DPP10: variants seen among roughly 807,000 people sequenced by gnomAD.
DPP10 encodes dipeptidyl peptidase like 10, also known as inactive dipeptidyl peptidase 10.
A neutral mutation model predicts 120.9 loss-of-function variants in DPP10; 33 were observed. The ratio of observed to expected loss-of-function variants is 0.27; its 90% confidence interval spans 0.21 to 0.37. The LOEUF is 0.37. DPP10 is among the 10% of genes least tolerant of loss of function. The probability of loss-of-function intolerance (pLI) is 1.00; values close to 1 mark genes in which losing one functional copy is unlikely to be tolerated. For synonymous variants in DPP10, 337 were observed against 326.1 expected (o/e 1.03, Z -0.36); for missense variants, 816 against 942.8 (o/e 0.87, Z 1.76).
intron 1 of DPP10, among the ~76,000 whole-genome samples, chr2:115,156,467 T>C (rs957313701): frequency 4.6e-5 from 7 of 152,186 alleles, no homozygotes; most frequent in Non-Finnish European, 7.4e-5. Flanking sequence ...AAATTGAACA[T>C]TGTGGAAGTG....
chr2:115,797,659 G>A (rs1684692655), intron 19 of DPP10, among the ~76,000 whole-genome samples: 1 of 151,958 alleles, frequency 6.6e-6, no homozygotes, highest in Admixed American at 6.6e-5. Flanking sequence ...AAGAAAAAAG[G>A]CAGTGGCATT....
intron 1 of DPP10, among the ~76,000 whole-genome samples, chr2:114,710,653 G>A (rs569935203): frequency 6.6e-6 from 1 of 152,158 alleles, no homozygotes; most frequent in South Asian, 2.1e-4. Flanking sequence ...GCTGAGACAG[G>A]AGAATCCCAT....
intron 3 of DPP10, among the ~76,000 whole-genome samples, chr2:115,402,558 T>G (rs536117267): frequency 1.8e-4 from 27 of 151,078 alleles, no homozygotes; most frequent in African/African-American, 6.6e-4. Context: ...GATAAATTCC[T>G]AGACACATGA....
intron 1 of DPP10, among the ~76,000 whole-genome samples, chr2:114,841,058 T>C (rs1315582919): frequency 7.2e-5 from 11 of 152,180 alleles, no homozygotes; most frequent in Non-Finnish European, 1.6e-4. Flanking sequence ...ACAGTAGAGA[T>C]TCAACAGAAA....
At chr2:115,630,481 G>C (rs1048976593) in intron 5 of DPP10, among the ~76,000 whole-genome samples, 2 of 152,098 alleles carry the variant, frequency 1.3e-5, no homozygotes, top group Admixed American at 6.6e-5. Flanking sequence ...CTTGTCTTGT[G>C]CTGATTTGCA....
chr2:114,866,965 G>A (rs1690289020), intron 1 of DPP10, among the ~76,000 whole-genome samples: 1 of 152,174 alleles, frequency 6.6e-6, no homozygotes, highest in Non-Finnish European at 1.5e-5. Context: ...TTCCAGGTTA[G>A]GGGAGGTTGT....
intron 1 of DPP10, among the ~76,000 whole-genome samples, chr2:114,840,278 A>C (rs1688054758): frequency 6.6e-6 from 1 of 152,160 alleles, no homozygotes. Flanking sequence ...CAATGTTTGA[A>C]AGGAAGAAGG....
At chr2:115,669,323 T>G (rs1232201189) in intron 5 of DPP10, among the ~76,000 whole-genome samples, 4 of 152,164 alleles carry the variant, frequency 2.6e-5, no homozygotes, top group Non-Finnish European at 1.5e-5. Flanking sequence ...AACTCACTAT[T>G]GAAGAGCATG....
chr2:114,602,787 C>T (rs997629181), intron 1 of DPP10, among the ~76,000 whole-genome samples: 1 of 152,016 alleles, frequency 6.6e-6, no homozygotes, highest in African/African-American at 2.4e-5. Flanking sequence ...GCCTGGGAAA[C>T]ACAAACCTGC....
At position 114,961,144 on chromosome 2, in the gene DPP10, C is replaced by T. The variant is rs139510376; in HGVS notation, c.61-348095C>T. On this transcript the variant is annotated intron_variant, in intron 1 of 25. Coordinates refer to ENST00000410059, the MANE Select transcript of DPP10 (RefSeq NM_020868.6). ...TCAGCTCACCGCAACCTCCACCTCC[C>T]GGGTTCAAGCAGCAATTCTTTTGCC... is the stretch of plus-strand genomic sequence containing the variant. Among the ~76,000 whole-genome samples, 916 of 140,644 alleles carry T rather than the reference C, an allele frequency of 6.5e-3. 4 individuals carry two copies. Among genetic ancestry groups the T allele is most frequent in the Non-Finnish European group, 0.01 (679 of 66,326 alleles). The allele number at this position is 140,644 out of a possible 152,430, so 92.3% of individuals were successfully genotyped here.
At chr2:115,455,879 G>A (rs2073489508) in intron 3 of DPP10, among the ~76,000 whole-genome samples, 1 of 152,072 alleles carries the variant, frequency 6.6e-6, no homozygotes, top group Admixed American at 6.6e-5. Flanking sequence ...AGAAAACCTA[G>A]GCAATACCAT....
At chr2:114,806,613 T>A (rs1684737155) in intron 1 of DPP10, among the ~76,000 whole-genome samples, 1 of 152,238 alleles carries the variant, frequency 6.6e-6, no homozygotes, top group African/African-American at 2.4e-5. Context: ...CAGGAAAATA[T>A]TAACTTGTCT....
chr2:115,660,655 C>CTTTTTTTTTTTTTTTTTTTTTTTT, intron 5 of DPP10, among the ~76,000 whole-genome samples: 20 of 25,326 alleles, frequency 7.9e-4, no homozygotes, highest in African/African-American at 1.0e-3. Context: ...CTCTGTCTGG[C>CTTTTTTTTTTTTTTTTTTTTTTTT]TTTTTTTTTT....
In DPP10 at chr2:115,348,673, T is replaced by C. The variant is rs76754761; in HGVS notation, c.271+4761T>C. Among the ~76,000 whole-genome samples the C allele has an allele frequency of 5.4e-3, 817 of 152,254 alleles. 42 individuals are homozygous for C. In the East Asian group the frequency reaches 0.13, roughly 25 times the overall value. On this transcript the variant is annotated intron_variant, in intron 3 of 25. Coordinates refer to ENST00000410059, the MANE Select transcript of DPP10 (RefSeq NM_020868.6). ...TGTCAGAAGACAATTCCAAAATTTA[T>C]CTGATGGAGTATAAACAATTAAAAT...
chr2:115,337,429 G>T (rs1423864007), intron 2 of DPP10, among the ~76,000 whole-genome samples: 1 of 151,866 alleles, frequency 6.6e-6, no homozygotes, highest in East Asian at 1.9e-4. Context: ...ACTTATTTTT[G>T]GGAGATAGTA....
chr2:114,935,516 C>T (rs1383955911), intron 1 of DPP10, among the ~76,000 whole-genome samples: 2 of 152,120 alleles, frequency 1.3e-5, no homozygotes, highest in African/African-American at 4.8e-5. Flanking sequence ...ATAAGATTTG[C>T]TGTCCCTTCA....
intron 1 of DPP10, among the ~76,000 whole-genome samples, chr2:115,258,771 C>T (rs1407335857): frequency 6.6e-6 from 1 of 151,990 alleles, no homozygotes; most frequent in Non-Finnish European, 1.5e-5. Context: ...CTGGCATGCT[C>T]CTGTAGTCCC....
chr2:114,616,703 A>T (rs1219235565), intron 1 of DPP10, among the ~76,000 whole-genome samples: 1 of 152,142 alleles, frequency 6.6e-6, no homozygotes, highest in Non-Finnish European at 1.5e-5. Context: ...GGAAGTGGTC[A>T]TCAATAAATG....
chr2:114,722,834 G>A (rs984473962), intron 1 of DPP10, among the ~76,000 whole-genome samples: 24 of 143,888 alleles, frequency 1.7e-4, no homozygotes, highest in Non-Finnish European at 3.2e-4. Context: ...CACCTGTAAA[G>A]CCTTCTTTTT....
Sources: gnomAD v4.1 joint callset for allele counts (sites outside exome capture counted in the v4.1 genomes callset) on GRCh38, gnomAD v4.1.1 for gene constraint, MANE v1.5 for transcripts, NCBI Gene and HGNC (gene_info 2026-07-23, HGNC 2026-07-21) for gene names.